Variants in ELAPOR1 observed in about 807,000 individuals in gnomAD.
ELAPOR1 encodes endosome/lysosome-associated apoptosis and autophagy regulator 1.
ELAPOR1 carries 77 observed loss-of-function variants against 119.7 expected under a neutral mutation model. The observed-to-expected ratio is 0.64, with a 90% CI of 0.54 to 0.78. The LOEUF is 0.78. Ranked by LOEUF, ELAPOR1 falls within the 30% of genes least tolerant of loss-of-function variation. The pLI is 0.00. For synonymous variants in ELAPOR1, 481 were observed against 487.2 expected (o/e 0.99, Z 0.17); for missense variants, 1,115 against 1,270.4 (o/e 0.88, Z 1.86).
intron 15 of ELAPOR1, among the ~76,000 whole-genome samples, 175 bp from the exon 16 acceptor site, chr1:109,197,299 C>T: frequency 6.6e-6 from 1 of 152,036 alleles, no homozygotes; most frequent in East Asian, 1.9e-4. Context: ...AAAGACAAAA[C>T]AAAACAAAAA....
intron 7 of ELAPOR1, among the ~76,000 whole-genome samples, chr1:109,183,108 G>A (rs1022558296): frequency 3.3e-5 from 5 of 152,024 alleles, no homozygotes; most frequent in East Asian, 1.9e-4. Flanking sequence ...TATGAATTAC[G>A]CATATTTTTC....
Position 109,205,542 on chromosome 1 carries a change from C to A in ELAPOR1, c.*2530C>A, listed in dbSNP as rs61799390. ...CTCAGAACCTGTGTCCATGTTGGAA[C>A]TTCCCCCAGTGTGGATGCAGATACG... On this transcript the variant is annotated 3_prime_UTR_variant, in exon 22 of 22. Coordinates refer to ENST00000369939, the MANE Select transcript of ELAPOR1 (RefSeq NM_020775.5). The A allele has an allele frequency of 1.3e-5, 2 of 152,326 alleles. No homozygotes were observed. The highest frequency in any genetic ancestry group is 4.8e-5 in the African/African-American group (2 of 41,568). 9.4% of individuals were successfully genotyped at this position (152,326 alleles called of 1,614,324 possible). A position where few individuals can be genotyped will look rare whatever the true frequency, so the allele number is the denominator to read the frequency against.
chr1:109,188,267 C>T lies in ELAPOR1; in HGVS notation c.1132C>T (p.His378Tyr). The change falls in exon 9 of 22, where the codon CAC (histidine) becomes TAC (tyrosine). Residue 378 changes from histidine to tyrosine, a missense_variant. His to Tyr is a moderately conservative substitution (Grantham distance 83, BLOSUM62 2). Transcript: ENST00000369939. ...VKLPASGVKT[H>Y]CPPCNPGFFK... ...GCTGCCTGCCTCTGGTGTGAAGACC[C>T]ACTGCCCACCCTGCAACCCAGGCTT... 1.2e-6 allele frequency: 2 copies of T among 1,614,190 alleles called. No homozygotes were observed. Among genetic ancestry groups the T allele is most frequent in the East Asian group, 2.2e-5 (1 of 44,890 alleles).
intron 21 of ELAPOR1, 78 bp downstream of exon 21, chr1:109,200,978 T>A: frequency 7.1e-6 from 10 of 1,398,818 alleles, no homozygotes; most frequent in Non-Finnish European, 9.8e-6. Flanking sequence ...TGAATGGTCC[T>A]GTACCGTTCA....
rs1270981412 is a variant in ELAPOR1, at chr1:109,198,060, T to A, written c.2384T>A (p.Val795Glu). 1 of 1,613,496 alleles carries A rather than the reference T, an allele frequency of 6.2e-7. No homozygotes were observed. Among genetic ancestry groups the A allele is most frequent in the Admixed American group, 1.7e-5 (1 of 59,984 alleles). ...CTGGAGTCCTTGGGAATACCGGACGTGATCTTCTTTTATAGGTGAAGATGA... is the reference window on the plus strand; with the variant it reads ...CTGGAGTCCTTGGGAATACCGGACGAGATCTTCTTTTATAGGTGAAGATGA... Reference protein sequence around the residue: ...FHLESLGIPDVIFFYRSNDVT... With the variant: ...FHLESLGIPDEIFFYRSNDVT... Residue 795 changes from valine (V) to glutamate (E), a missense_variant, in exon 17 of 22, where the codon GTG becomes GAG. By Grantham distance (121) the Val-to-Glu change is moderately radical (BLOSUM62 -2). Coordinates refer to ENST00000369939, the MANE Select transcript of ELAPOR1 (RefSeq NM_020775.5).
At chr1:109,189,752 A>G in intron 11 of ELAPOR1, 70 bp downstream of exon 11, 2 of 1,186,384 alleles carry the variant, frequency 1.7e-6, no homozygotes, top group South Asian at 1.3e-5. Flanking sequence ...ATTTTGGAAT[A>G]TTGTAGAGGA....
At chr1:109,141,260 TATTA>T (rs980235068) in intron 1 of ELAPOR1, among the ~76,000 whole-genome samples, 33 of 147,936 alleles carry the variant, frequency 2.2e-4, no homozygotes, top group South Asian at 6.4e-4. Context: ...ATGAAAGTAT[TATTA>T]ATTAATTTTT....
At chr1:109,132,649 T>C (rs1649220287) in intron 1 of ELAPOR1, among the ~76,000 whole-genome samples, 1 of 152,126 alleles carries the variant, frequency 6.6e-6, no homozygotes. Context: ...GCCTGAAGAA[T>C]GTCCAGAAGT....
At chr1:109,135,861 T>A (rs978264442) in intron 1 of ELAPOR1, among the ~76,000 whole-genome samples, 1 of 152,188 alleles carries the variant, frequency 6.6e-6, no homozygotes, top group Non-Finnish European at 1.5e-5. Context: ...GACGAGACAG[T>A]CTTTGATGTC....
intron 14 of ELAPOR1, among the ~76,000 whole-genome samples, chr1:109,193,219 A>G (rs572855128): frequency 6.6e-6 from 1 of 152,296 alleles, no homozygotes; most frequent in East Asian, 1.9e-4. Context: ...AAAAATGTTC[A>G]ATCCAGCCTG....
intron 7 of ELAPOR1, among the ~76,000 whole-genome samples, 176 bp downstream of exon 7, chr1:109,174,013 T>C (rs1652085313): frequency 8.7e-6 from 1 of 114,736 alleles, no homozygotes; most frequent in African/African-American, 3.8e-5. Context: ...AATCACTTTG[T>C]CATTTTTTTT....
At chr1:109,162,951 G>A (rs760925239) in intron 2 of ELAPOR1, among the ~76,000 whole-genome samples, 2 of 152,256 alleles carry the variant, frequency 1.3e-5, no homozygotes, top group African/African-American at 2.4e-5. Flanking sequence ...GCTTAGGGTG[G>A]TGGAAAGTGC....
chr1:109,161,257 A>G (rs1651230710), intron 1 of ELAPOR1, among the ~76,000 whole-genome samples: 1 of 151,974 alleles, frequency 6.6e-6, no homozygotes, highest in African/African-American at 2.4e-5. Context: ...TAAAAATACA[A>G]AAATTAGCCT....
Position 109,173,573 on chromosome 1 carries a change from A to G in ELAPOR1, c.796A>G (p.Ile266Val), listed in dbSNP as rs764463666. Residue 266 changes from isoleucine to valine, a missense_variant, in exon 6 of 22, where the codon ATA becomes GTA. Physicochemically the swap from Ile to Val is conservative, Grantham distance 29 (BLOSUM62 3). Transcript: ENST00000369939. ...PKPVLVRNIA[I>V]TGVAYTSECF... ...GCCTGTGCTGGTGAGAAACATTGCC[A>G]TAACAGGTACTGAGAGCAGGGTTAC... 1.9e-6 allele frequency: 3 copies of G among 1,614,048 alleles called. No homozygotes were observed. Among genetic ancestry groups the G allele is most frequent in the African/African-American group, 2.7e-5 (2 of 74,930 alleles).
At chr1:109,123,425 G>A (rs1422431814) in intron 1 of ELAPOR1, among the ~76,000 whole-genome samples, 2 of 152,036 alleles carry the variant, frequency 1.3e-5, no homozygotes, top group African/African-American at 2.4e-5. Flanking sequence ...CTATAAAGAC[G>A]ACATATGAAT....
At position 109,144,475 on chromosome 1, in the gene ELAPOR1, T is replaced by C. The variant is rs1381554237; in HGVS notation, c.154-17419T>C. Reference sequence around the variant, plus strand: ...AGAATTCTAGGTAGGGTGCAGTGGCTCATGCCTGTAATCCCAGCACTTTGG... The same window carrying C: ...AGAATTCTAGGTAGGGTGCAGTGGCCCATGCCTGTAATCCCAGCACTTTGG... On this transcript the variant is annotated intron_variant, in intron 1 of 21. Transcript: ENST00000369939. Among the ~76,000 whole-genome samples, 3 of 152,290 alleles carry C rather than the reference T, an allele frequency of 2.0e-5. No individual in the cohort carries two copies. The East Asian group carries it at 5.8e-4, about 29-fold the overall frequency.
chr1:109,187,493 A>T (rs1653127607), intron 8 of ELAPOR1: 1 of 1,000,126 alleles, frequency 1.0e-6, no homozygotes, highest in Admixed American at 6.1e-5. Flanking sequence ...GATCATGTTC[A>T]TCAACCCCTC....
At chr1:109,150,060 G>A (rs529506438) in intron 1 of ELAPOR1, among the ~76,000 whole-genome samples, 2 of 152,206 alleles carry the variant, frequency 1.3e-5, no homozygotes, top group Non-Finnish European at 2.9e-5. Context: ...TGTTTTCCAA[G>A]AACCCTCATG....
In ELAPOR1 at chr1:109,148,314, C is replaced by T. The variant is rs373859982; in HGVS notation, c.154-13580C>T. 9.2e-4 allele frequency among the ~76,000 whole-genome samples: 139 copies of T among 150,474 alleles called. 5 individuals carry two copies. The East Asian group carries it at 0.027, about 29-fold the overall frequency. ...CCACCACGCCTGGTTAATTTTTGTA[C>T]TTTCAGTAGAGACGGGGTTTCACCA... is the stretch of plus-strand genomic sequence containing the variant. On this transcript the variant is annotated intron_variant, in intron 1 of 21. Transcript: ENST00000369939.
Sources: allele counts gnomAD v4.1 joint callset (sites outside exome capture counted in the v4.1 genomes callset), GRCh38; gene constraint gnomAD v4.1.1; transcripts MANE v1.5; gene names NCBI Gene and HGNC (gene_info 2026-07-23, HGNC 2026-07-21).